Variants in FANCL observed in about 807,000 individuals in gnomAD.
FANCL encodes the protein E3 ubiquitin-protein ligase FANCL.
In FANCL, 69 loss-of-function variants were observed where a neutral mutation model predicts 59.4. The observed-to-expected ratio is 1.16, with a 90% CI of 0.96 to 1.42. FANCL has a LOEUF of 1.42. Among genes scored for constraint, FANCL ranks in the 40% most tolerant of loss-of-function variants. FANCL has a pLI of 0.00. For synonymous variants in FANCL, 180 were observed against 147.1 expected (o/e 1.22, Z -1.62); for missense variants, 519 against 447.2 (o/e 1.16, Z -1.45).
chr2:58,227,166 C>A (rs1374349534), intron 3 of FANCL, among the ~76,000 whole-genome samples: 1 of 152,156 alleles, frequency 6.6e-6, no homozygotes, highest in Non-Finnish European at 1.5e-5. Context: ...TACAGACGGG[C>A]AGGCTGTGGA....
chr2:58,176,975 T>C (rs1474910023), intron 7 of FANCL, among the ~76,000 whole-genome samples: 8 of 151,830 alleles, frequency 5.3e-5, no homozygotes, highest in Non-Finnish European at 1.0e-4. Flanking sequence ...GCAAAGGACA[T>C]GAACAGACAC....
chr2:58,235,361 G>A (rs1693917462), intron 1 of FANCL, among the ~76,000 whole-genome samples: 2 of 152,210 alleles, frequency 1.3e-5, no homozygotes, highest in South Asian at 2.1e-4. Flanking sequence ...ACCAGCCAGA[G>A]TGGAAACCTT....
intron 6 of FANCL, among the ~76,000 whole-genome samples, chr2:58,202,110 T>A (rs1337495331): frequency 2.0e-5 from 3 of 151,502 alleles, no homozygotes; most frequent in African/African-American, 4.8e-5. Flanking sequence ...TCCCTAAAAT[T>A]TTTGTTTCCT....
intron 5 of FANCL, among the ~76,000 whole-genome samples, chr2:58,205,002 A>G (rs1025175117): frequency 6.6e-6 from 1 of 152,130 alleles, no homozygotes; most frequent in African/African-American, 2.4e-5. Context: ...ATTTAGCAGT[A>G]TATTTACTAG....
chr2:58,180,179 C>G (rs534380793), intron 7 of FANCL, among the ~76,000 whole-genome samples: 75 of 152,270 alleles, frequency 4.9e-4, no homozygotes, highest in Non-Finnish European at 9.4e-4. Context: ...CCTCAAGGAT[C>G]TAGAAGCAGA....
At chr2:58,173,856 G>C (rs1487501226) in intron 7 of FANCL, among the ~76,000 whole-genome samples, 2 of 152,096 alleles carry the variant, frequency 1.3e-5, no homozygotes, top group African/African-American at 4.8e-5. Flanking sequence ...TGGATAAAGA[G>C]TCAAGACCCA....
At chr2:58,199,092 T>C (rs191457354) in intron 6 of FANCL, among the ~76,000 whole-genome samples, 4 of 150,962 alleles carry the variant, frequency 2.6e-5, no homozygotes, top group Non-Finnish European at 4.4e-5. Context: ...TAACTGAAAA[T>C]GTATTACATA....
chr2:58,240,805 C>A (rs1694455691), intron 1 of FANCL, among the ~76,000 whole-genome samples: 1 of 152,190 alleles, frequency 6.6e-6, no homozygotes, highest in Admixed American at 6.5e-5. Context: ...CTACAGGAAA[C>A]ACGAAAATAA....
Position 58,159,547 on chromosome 2 carries a change from A to G in FANCL, c.*218T>C, listed in dbSNP as rs1225222385. The stretch of plus-strand genomic sequence containing the variant: ...ATACACTTCCACAGTCAGCACGGGG[A>G]TCACAGACTTAGAAAGTTCAACTGG... On this transcript the variant is annotated 3_prime_UTR_variant, in exon 14 of 14. Transcript: ENST00000233741. The G allele has an allele frequency of 6.2e-7, 1 of 1,613,830 alleles. No individual in the cohort carries two copies. The highest frequency in any genetic ancestry group is 8.5e-7 in the Non-Finnish European group (1 of 1,179,826).
intron 5 of FANCL, among the ~76,000 whole-genome samples, chr2:58,221,716 C>T (rs1692498519): frequency 6.6e-6 from 1 of 152,072 alleles, no homozygotes; most frequent in South Asian, 2.1e-4. Flanking sequence ...TTACTGTGTA[C>T]ATAAAAATGT....
At chr2:58,231,990 C>T in intron 2 of FANCL, 64 bp downstream of exon 2, 1 of 1,348,750 alleles carries the variant, frequency 7.4e-7, no homozygotes, top group African/African-American at 1.4e-5. Flanking sequence ...TCAATTTATA[C>T]CAAATGTACT....
chr2:58,229,294 C>G (rs1320359081), intron 3 of FANCL, among the ~76,000 whole-genome samples: 2 of 151,594 alleles, frequency 1.3e-5, no homozygotes, highest in South Asian at 4.1e-4. Flanking sequence ...TTTTTCTAAT[C>G]TTTAAAGGAA....
At chr2:58,198,725 T>G (rs2105101961) in intron 6 of FANCL, 63 bp from the exon 7 acceptor site, 5 of 1,331,386 alleles carry the variant, frequency 3.8e-6, no homozygotes, top group Middle Eastern at 2.0e-4. Context: ...CTGAGGTATT[T>G]TAGAAAAACT....
At position 58,195,383 on chromosome 2, in the gene FANCL, T is replaced by C. The variant is rs902214624; in HGVS notation, c.540+3211A>G. 1.3e-4 allele frequency among the ~76,000 whole-genome samples: 20 copies of C among 152,272 alleles called. No homozygotes were observed. The East Asian group carries it at 3.7e-3, about 28-fold the overall frequency. On this transcript the variant is annotated intron_variant, in intron 7 of 13. Transcript: ENST00000233741. ...CATGTGTAAAAGAAAAACTGTGAAA[T>C]CAGCCCCCAACCCGCACAAATGAAG... is the stretch of plus-strand genomic sequence containing the variant.
intron 1 of FANCL, among the ~76,000 whole-genome samples, chr2:58,239,915 G>A (rs1171910643): frequency 2.6e-5 from 4 of 152,078 alleles, no homozygotes; most frequent in African/African-American, 9.7e-5. Flanking sequence ...AATATTTTTA[G>A]ACACGTAAAA....
chr2:58,219,086 G>C (rs1412672766), intron 5 of FANCL, among the ~76,000 whole-genome samples: 2 of 128,404 alleles, frequency 1.6e-5, no homozygotes, highest in African/African-American at 2.9e-5. Context: ...CTGATTCTAG[G>C]AAAGGGCAGG....
At position 58,160,186 on chromosome 2, in the gene FANCL, AT is replaced by A. The variant is rs1294762984; in HGVS notation, c.1021-8del. The A allele has an allele frequency of 6.2e-7, 1 of 1,612,216 alleles. No homozygotes were observed. The highest frequency in any genetic ancestry group is 8.5e-7 in the Non-Finnish European group (1 of 1,178,510). On this transcript the variant is annotated splice_polypyrimidine_tract_variant and splice_region_variant and intron_variant, in intron 12 of 13. Coordinates refer to ENST00000233741, the MANE Select transcript of FANCL (RefSeq NM_018062.4). ...TTAGTAGTCCTCTCAGCCACTGCAA[AT>A]TTTAAAAGATAAAGGAGAAGCGTCA...
At chr2:58,176,045 C>T (rs1241888411) in intron 7 of FANCL, among the ~76,000 whole-genome samples, 7 of 151,898 alleles carry the variant, frequency 4.6e-5, no homozygotes, top group South Asian at 2.1e-4. Flanking sequence ...TCAAAGAGAA[C>T]AAAATACCTA....
chr2:58,241,071 A>T, intron 1 of FANCL, 147 bp downstream of exon 1: 1 of 783,050 alleles, frequency 1.3e-6, no homozygotes, highest in Non-Finnish European at 2.1e-6. Flanking sequence ...CGCTTCTCAA[A>T]CCTTTAGTCT....
Sources: allele counts gnomAD v4.1 joint callset (sites outside exome capture counted in the v4.1 genomes callset), GRCh38; gene constraint gnomAD v4.1.1; transcripts MANE v1.5; gene names NCBI Gene and HGNC (gene_info 2026-07-23, HGNC 2026-07-21).